The following INSR variants were observed in gnomAD, a reference collection of about 807,000 sequenced individuals.
INSR encodes IR.
Under a neutral mutation model 142.6 loss-of-function variants are expected in INSR, and 67 were observed. The ratio of observed to expected loss-of-function variants is 0.47; its 90% CI spans 0.39 to 0.58. The LOEUF is 0.58. INSR is among the 20% of genes least tolerant of loss of function. The probability of loss-of-function intolerance (pLI) is 0.00; values close to 1 mark genes in which losing one functional copy is unlikely to be tolerated. For synonymous variants in INSR, 756 were observed against 743.1 expected (o/e 1.02, Z -0.28); for missense variants, 1,248 against 1,833.2 (o/e 0.68, Z 5.83).
chr19:7,246,650 A>G (rs2396185), intron 2 of INSR, among the ~76,000 whole-genome samples: 1 of 152,052 alleles, frequency 6.6e-6, no homozygotes, highest in East Asian at 1.9e-4. Context: ...TTAGCTGATA[A>G]AAGTTCCATG....
rs533682498 is a variant in INSR, at chr19:7,184,060, C to CAAAAA, written c.974+251_974+255dup. ...GGAGTCTTGCGGCAAGACTCCATCT[C>CAAAAA]AAAAAAAAAAAAAAAGAATGGTGGG... On this transcript the variant is annotated intron_variant, in intron 3 of 21. Transcript: ENST00000302850. Among the ~76,000 whole-genome samples the CAAAAA allele has an allele frequency of 7.5e-4, 64 of 85,098 alleles. 2 individuals carry two copies. Among genetic ancestry groups the CAAAAA allele is most frequent in the African/African-American group, 2.8e-3 (58 of 20,588 alleles). The allele number at this position is 85,098 out of a possible 152,430, so 55.8% of individuals were successfully genotyped here.
chr19:7,194,963 C>G (rs913079621), intron 2 of INSR, among the ~76,000 whole-genome samples: 1 of 151,994 alleles, frequency 6.6e-6, no homozygotes, highest in Non-Finnish European at 1.5e-5. Flanking sequence ...ATAGATGACA[C>G]AAAAACCCCA....
intron 3 of INSR, among the ~76,000 whole-genome samples, chr19:7,181,608 C>T (rs1299699074): frequency 1.3e-5 from 2 of 149,908 alleles, no homozygotes; most frequent in East Asian, 3.9e-4. Flanking sequence ...GTCACACTTG[C>T]CTGGGGGCTA....
intron 1 of INSR, among the ~76,000 whole-genome samples, chr19:7,289,766 C>G (rs929231156): frequency 5.3e-5 from 8 of 152,072 alleles, no homozygotes; most frequent in Non-Finnish European, 1.0e-4. Context: ...ATGTCTCAGA[C>G]AGGGAAAAGG....
At chr19:7,117,706 G>A (rs536356153) in intron 21 of INSR, among the ~76,000 whole-genome samples, 230 of 151,368 alleles carry the variant, frequency 1.5e-3, no homozygotes, top group African/African-American at 5.3e-3. Flanking sequence ...TCCTAGGCTC[G>A]AGCAATCCTC....
chr19:7,242,850 C>CT (rs961179146), intron 2 of INSR, among the ~76,000 whole-genome samples: 2 of 151,072 alleles, frequency 1.3e-5, no homozygotes, highest in African/African-American at 4.9e-5. Flanking sequence ...AAATTTTGGC[C>CT]TAAAAAAAAA....
intron 2 of INSR, among the ~76,000 whole-genome samples, chr19:7,199,082 C>G (rs933574130): frequency 6.6e-6 from 1 of 151,986 alleles, no homozygotes; most frequent in African/African-American, 2.4e-5. Context: ...CATGGGGACT[C>G]GTTGCCCAGG....
At chr19:7,128,988 C>T (rs1305278455) in intron 14 of INSR, 34 bp from the exon 15 acceptor site, 1 of 1,515,074 alleles carries the variant, frequency 6.6e-7, no homozygotes, top group Admixed American at 1.7e-5. Context: ...TGTTTCATAT[C>T]AATGTGTTTC....
At chr19:7,199,433 TG>T (rs1251435434) in intron 2 of INSR, among the ~76,000 whole-genome samples, 2 of 151,690 alleles carry the variant, frequency 1.3e-5, no homozygotes, top group East Asian at 3.9e-4. Context: ...GGTCTTACTC[TG>T]TGGCCCAGGC....
chr19:7,231,999 AC>A (rs1301030079), intron 2 of INSR, among the ~76,000 whole-genome samples: 1 of 151,770 alleles, frequency 6.6e-6, no homozygotes, highest in East Asian at 1.9e-4. Context: ...TTCTTTCTCT[AC>A]CCGCTTCTTC....
At chr19:7,176,954 T>C (rs543500802) in intron 3 of INSR, among the ~76,000 whole-genome samples, 2 of 152,262 alleles carry the variant, frequency 1.3e-5, no homozygotes, top group East Asian at 3.9e-4. Context: ...GACAGGACAT[T>C]TGCTGTTCTG....
intron 2 of INSR, among the ~76,000 whole-genome samples, chr19:7,206,850 T>C (rs1410330345): frequency 6.6e-6 from 1 of 152,172 alleles, no homozygotes; most frequent in Non-Finnish European, 1.5e-5. Flanking sequence ...AATATCACGT[T>C]GTCAACCACA....
chr19:7,196,031 G>A (rs530786082), intron 2 of INSR, among the ~76,000 whole-genome samples: 4 of 151,570 alleles, frequency 2.6e-5, no homozygotes, highest in African/African-American at 9.7e-5. Flanking sequence ...TGCCTCCCAG[G>A]TTCAAGCGAA....
chr19:7,127,628 T>C (rs1424638649), intron 15 of INSR, among the ~76,000 whole-genome samples: 1 of 152,190 alleles, frequency 6.6e-6, no homozygotes, highest in Non-Finnish European at 1.5e-5. Context: ...ACAGCTTGAA[T>C]TTAGACATCC....
intron 1 of INSR, among the ~76,000 whole-genome samples, chr19:7,269,193 A>C (rs995797604): frequency 1.4e-5 from 2 of 147,568 alleles, no homozygotes; most frequent in Non-Finnish European, 3.0e-5. Context: ...TGTTCTAAAG[A>C]AGAATAGTAA....
At chr19:7,183,948 G>T (rs530565202) in intron 3 of INSR, among the ~76,000 whole-genome samples, 1 of 151,734 alleles carries the variant, frequency 6.6e-6, no homozygotes, top group Non-Finnish European at 1.5e-5. Flanking sequence ...AGTCCCAGCT[G>T]CTTGGGAGGC....
chr19:7,125,468 G>C lies in INSR; in HGVS notation c.3073C>G (p.Leu1025Val). 1 of 1,614,128 alleles carries C rather than the reference G, an allele frequency of 6.2e-7. No homozygotes were observed. The highest frequency in any genetic ancestry group is 8.5e-7 in the Non-Finnish European group (1 of 1,180,022). The change falls in exon 17 of 22, where the codon CTC (leucine) becomes GTC (valine). Residue 1025 changes from leucine to valine, a missense_variant. Leu to Val is a conservative substitution (Grantham distance 32, BLOSUM62 1). This residue lies in a region of INSR where 1,069 missense variants were observed against 1,654.0 expected (regional missense o/e 0.65). Coordinates refer to ENST00000302850, the MANE Select transcript of INSR (RefSeq NM_000208.4). The surrounding 1 kb of genome is among the most constrained non-coding windows in gnomAD (Gnocchi z 4.9). ...EWEVSREKIT[L>V]LRELGQGSFG... ...GAGCCCTGCCCCAGCTCTCGAAGGA[G>C]GGTGATCTTCTCTCGAGACACCTCC...
At chr19:7,146,081 AG>A (rs1212703918) in intron 11 of INSR, among the ~76,000 whole-genome samples, 1 of 152,158 alleles carries the variant, frequency 6.6e-6, no homozygotes, top group African/African-American at 2.4e-5. Context: ...TTGATGAACT[AG>A]ATGATGTTAT....
At chr19:7,196,335 A>G (rs772365852) in intron 2 of INSR, among the ~76,000 whole-genome samples, 30 of 152,234 alleles carry the variant, frequency 2.0e-4, no homozygotes, top group Non-Finnish European at 3.8e-4. Flanking sequence ...AAAAATGTAT[A>G]TAATGTGTGT....
Sources: allele counts gnomAD v4.1 joint callset (sites outside exome capture counted in the v4.1 genomes callset), GRCh38; gene constraint gnomAD v4.1.1; regional missense constraint gnomAD v4.1.1; non-coding constraint Gnocchi (gnomAD v3.1); transcripts MANE v1.5; gene names NCBI Gene and HGNC (gene_info 2026-07-23, HGNC 2026-07-21).